The following CDH13 variants were observed in gnomAD, a reference collection of about 807,000 sequenced individuals.
The protein encoded by CDH13 is cadherin 13, also known as cadherin-13.
A neutral mutation model predicts 63.8 loss-of-function variants in CDH13; 24 were observed. The ratio of observed to expected loss-of-function variants is 0.38; its 90% CI spans 0.27 to 0.53. CDH13 has a LOEUF of 0.53. CDH13 is among the 20% of genes least tolerant of loss of function. The pLI is 0.85. For synonymous variants in CDH13, 503 were observed against 355.3 expected, an observed-to-expected ratio of 1.42 and a Z score of -4.67; for missense variants, 1,049 against 903.1, an observed-to-expected ratio of 1.16 and a Z score of -2.07.
chr16:82,779,275 T>C lies in CDH13; in HGVS notation c.46-79087T>C, dbSNP rs951639561. 2.6e-5 allele frequency among the ~76,000 whole-genome samples: 4 copies of C among 152,098 alleles called. 1 individual carries two copies. Among genetic ancestry groups the C allele is most frequent in the Admixed American group, 2.0e-4 (3 of 15,280 alleles). ...GGGAAGTTGAGGGACATGTCCAAGA[T>C]CACACAGATAGTAGGCAGTCCAGCT... On this transcript the variant is annotated intron_variant, in intron 1 of 13. Coordinates refer to ENST00000567109, the MANE Select transcript of CDH13 (RefSeq NM_001257.5).
At chr16:82,826,702 T>C (rs947910296) in intron 1 of CDH13, 2 of 152,194 alleles carry the variant, frequency 1.3e-5, no homozygotes, top group African/African-American at 4.8e-5. Flanking sequence ...TTACTGAATG[T>C]GGTAATTTGT....
chr16:82,762,626 G>T (rs931115581), intron 1 of CDH13, among the ~76,000 whole-genome samples: 4 of 152,120 alleles, frequency 2.6e-5, no homozygotes, highest in African/African-American at 9.7e-5. Flanking sequence ...TCCTGGCTGG[G>T]TCACTGCTTC....
intron 2 of CDH13, among the ~76,000 whole-genome samples, chr16:82,914,244 T>C (rs1172281375): frequency 1.3e-5 from 2 of 152,194 alleles, no homozygotes; most frequent in African/African-American, 4.8e-5. Context: ...AGGGCCCATT[T>C]GTTAGTAATA....
At chr16:82,632,987 G>A (rs1567573515) in intron 1 of CDH13, among the ~76,000 whole-genome samples, 1 of 152,172 alleles carries the variant, frequency 6.6e-6, no homozygotes, top group African/African-American at 2.4e-5. Context: ...TGAAAATCCA[G>A]TGCCACGGCT....
intron 5 of CDH13, among the ~76,000 whole-genome samples, chr16:83,255,949 G>T (rs566657754): frequency 6.6e-6 from 1 of 152,256 alleles, no homozygotes. Context: ...GCTTGATTAT[G>T]GTCAAATCTA....
intron 2 of CDH13, among the ~76,000 whole-genome samples, chr16:82,898,330 G>C (rs1481493213): frequency 6.6e-6 from 1 of 152,128 alleles, no homozygotes; most frequent in Non-Finnish European, 1.5e-5. Context: ...TCTGAGACCA[G>C]CCTGGCCAAC....
At chr16:83,554,874 T>C (rs902930454) in intron 7 of CDH13, among the ~76,000 whole-genome samples, 1 of 152,034 alleles carries the variant, frequency 6.6e-6, no homozygotes, top group African/African-American at 2.4e-5. Context: ...ACATACAAAG[T>C]TACTGCAGCA....
chr16:83,016,631 C>T (rs928779812), intron 2 of CDH13, among the ~76,000 whole-genome samples: 2 of 152,252 alleles, frequency 1.3e-5, no homozygotes, highest in Admixed American at 6.5e-5. Flanking sequence ...CTTGTGCATT[C>T]CCTTTAGGAA....
chr16:83,496,338 C>A, intron 7 of CDH13, among the ~76,000 whole-genome samples: 1 of 147,628 alleles, frequency 6.8e-6, no homozygotes, highest in East Asian at 2.0e-4. Flanking sequence ...CAGAACAGAG[C>A]CCTCAGAAAT....
intron 5 of CDH13, among the ~76,000 whole-genome samples, chr16:83,245,890 G>A (rs987602478): frequency 1.3e-5 from 2 of 151,914 alleles, no homozygotes; most frequent in Non-Finnish European, 2.9e-5. Context: ...CTACAGGCAC[G>A]CACCACCATA....
rs369236687 is a variant in CDH13 at position 82,727,536 on chromosome 16, A to G, written c.45+100399A>G. The G allele has an allele frequency of 3.3e-5, 5 of 152,286 alleles. No homozygotes were observed. In the East Asian group the frequency reaches 9.7e-4, roughly 29 times the overall value. 9.4% of individuals were successfully genotyped at this position (152,286 alleles called of 1,614,324 possible). ...TTAGCCGCACTTAGAGTTAAGGATC[A>G]ACTTTGGCTTCTGTGGAAGCTGCTG... On this transcript the variant is annotated intron_variant, in intron 1 of 13. Transcript: ENST00000567109.
At chr16:82,997,406 A>T (rs1459253390) in intron 2 of CDH13, among the ~76,000 whole-genome samples, 1 of 152,190 alleles carries the variant, frequency 6.6e-6, no homozygotes, top group Non-Finnish European at 1.5e-5. Flanking sequence ...TCCAAATTTA[A>T]AGGGATACGA....
At chr16:82,641,449 T>G (rs983449961) in intron 1 of CDH13, among the ~76,000 whole-genome samples, 1 of 152,236 alleles carries the variant, frequency 6.6e-6, no homozygotes, top group Non-Finnish European at 1.5e-5. Flanking sequence ...GAAAGAATTA[T>G]GGTAGTGGTA....
At chr16:82,851,260 C>A (rs1440867826) in intron 1 of CDH13, among the ~76,000 whole-genome samples, 1 of 151,764 alleles carries the variant, frequency 6.6e-6, no homozygotes, top group Non-Finnish European at 1.5e-5. Context: ...ATGGTGAAAC[C>A]CCGTCACTAC....
At chr16:83,568,834 T>C (rs1193753419) in intron 7 of CDH13, among the ~76,000 whole-genome samples, 2 of 152,208 alleles carry the variant, frequency 1.3e-5, no homozygotes, top group Non-Finnish European at 2.9e-5. Context: ...CTTGCTGTTC[T>C]GTCCTTTGAG....
rs138140152 is a variant in CDH13, at chr16:82,885,917, G to A, written c.157+27444G>A. 2.4e-4 allele frequency among the ~76,000 whole-genome samples: 37 copies of A among 152,282 alleles called. 2 individuals are homozygous for A. The highest frequency in any genetic ancestry group is 8.2e-4 in the African/African-American group (34 of 41,568). On this transcript the variant is annotated intron_variant, in intron 2 of 13. Transcript: ENST00000567109. ...TGACAAAGTGCCTGGCATAGAGGAA[G>A]TTCTCAGTAAATATTAGCTGTCTTT...
intron 2 of CDH13, among the ~76,000 whole-genome samples, chr16:82,940,430 G>A (rs1353486144): frequency 6.6e-6 from 1 of 152,128 alleles, no homozygotes; most frequent in African/African-American, 2.4e-5. Flanking sequence ...AACCTTAGCA[G>A]TTATGATTGT....
At chr16:83,728,858 T>A (rs908704967) in intron 10 of CDH13, 1 of 152,400 alleles carries the variant, frequency 6.6e-6, no homozygotes, top group East Asian at 1.9e-4. Flanking sequence ...TACAGACATG[T>A]ATTACTCACA....
intron 9 of CDH13, among the ~76,000 whole-genome samples, chr16:83,672,917 T>G (rs543134304): frequency 6.6e-6 from 1 of 152,340 alleles, no homozygotes; most frequent in African/African-American, 2.4e-5. Flanking sequence ...GGCTATGTCA[T>G]TCTATGACTT....
Sources: gnomAD v4.1 joint callset for allele counts (sites outside exome capture counted in the v4.1 genomes callset) on GRCh38, gnomAD v4.1.1 for gene constraint, MANE v1.5 for transcripts, NCBI Gene and HGNC (gene_info 2026-07-23, HGNC 2026-07-21) for gene names.